DCBLD2: variants seen among roughly 807,000 people sequenced by gnomAD.
The protein encoded by DCBLD2 is discoidin, CUB and LCCL domain-containing protein 2.
A neutral mutation model predicts 86.8 loss-of-function variants in DCBLD2; 54 were observed. The observed-to-expected ratio is 0.62, with a 90% CI of 0.50 to 0.78. DCBLD2 has a LOEUF of 0.78. DCBLD2 is among the 30% of genes least tolerant of loss of function. DCBLD2 has a pLI of 0.00. For missense variants in DCBLD2, 908 were observed against 954.2 expected (o/e 0.95, Z 0.64); for synonymous variants, 354 against 341.3 (o/e 1.04, Z -0.41).
intron 3 of DCBLD2, among the ~76,000 whole-genome samples, chr3:98,825,601 G>A (rs1161521806): frequency 1.4e-5 from 2 of 140,296 alleles, no homozygotes; most frequent in East Asian, 4.4e-4. Flanking sequence ...CATCACCTCA[G>A]GAAGTCACAT....
intron 3 of DCBLD2, among the ~76,000 whole-genome samples, chr3:98,837,823 A>AC (rs1942501065): frequency 3.2e-5 from 4 of 124,178 alleles, no homozygotes; most frequent in Non-Finnish European, 3.4e-5. Context: ...CGGAGGGCTG[A>AC]CCCCCCCACC....
chr3:98,899,564 A>G (rs1943813205), intron 1 of DCBLD2, among the ~76,000 whole-genome samples: 1 of 152,132 alleles, frequency 6.6e-6, no homozygotes, highest in Admixed American at 6.5e-5. Flanking sequence ...GGCCTTTTCT[A>G]AAAACAAGGC....
chr3:98,882,277 T>C (rs180820441), intron 1 of DCBLD2, among the ~76,000 whole-genome samples: 53 of 152,320 alleles, frequency 3.5e-4, no homozygotes, highest in Admixed American at 3.3e-3. Context: ...TAAATATACA[T>C]ATACATGTTA....
chr3:98,810,657 C>A lies in DCBLD2; in HGVS notation c.1576+537G>T, dbSNP rs184968478. Among the ~76,000 whole-genome samples, 6 of 152,152 alleles carry A rather than the reference C, an allele frequency of 3.9e-5. No homozygotes were observed. In the East Asian group the frequency reaches 1.2e-3, roughly 29 times the overall value. ...TGATAACAAAACTTGAAAGTAAATTCTAATAAATTTCTATTTATGATCTTA... is the reference window on the plus strand; with the variant it reads ...TGATAACAAAACTTGAAAGTAAATTATAATAAATTTCTATTTATGATCTTA... On this transcript the variant is annotated intron_variant, in intron 12 of 15. Coordinates refer to ENST00000326840, the MANE Select transcript of DCBLD2 (RefSeq NM_080927.4).
chr3:98,849,485 A>T lies in DCBLD2; in HGVS notation c.547T>A (p.Ser183Thr). 6.2e-7 allele frequency: 1 copy of T among 1,613,980 alleles called. No individual in the cohort carries two copies. The highest frequency in any genetic ancestry group is 1.7e-4 in the Middle Eastern group (1 of 6,060). Residue 183 changes from serine (S) to threonine (T), a missense_variant, in exon 3 of 16, where the codon TCA becomes ACA. Physicochemically the swap from Ser to Thr is moderately conservative, Grantham distance 58. Around this residue, in one of 3 missense-constraint regions of DCBLD2, gnomAD observed 294 missense variants for 256.0 expected, o/e 1.15. Transcript: ENST00000326840. ...CCTTGTTTATCTATAACAGAGTATG[A>T]GGCCAAAAATCCGCGTCCAGAAACA... The part of the protein sequence containing the change: ...IHVSGRGFLA[S>T]YSVIDKQDLI...
At chr3:98,827,094 A>G (rs956910073) in intron 3 of DCBLD2, among the ~76,000 whole-genome samples, 1 of 152,166 alleles carries the variant, frequency 6.6e-6, no homozygotes, top group Non-Finnish European at 1.5e-5. Context: ...GCAAGTGTAT[A>G]AATTAATAGT....
intron 4 of DCBLD2, among the ~76,000 whole-genome samples, chr3:98,824,035 T>C (rs971621933): frequency 1.3e-5 from 2 of 152,036 alleles, no homozygotes; most frequent in African/African-American, 4.8e-5. Context: ...GATGGCCTAG[T>C]GTGTGTCCGG....
At chr3:98,847,170 G>A (rs1319738367) in intron 3 of DCBLD2, among the ~76,000 whole-genome samples, 1 of 152,104 alleles carries the variant, frequency 6.6e-6, no homozygotes, top group Non-Finnish European at 1.5e-5. Context: ...TAGAAGGGGG[G>A]AAACTAACAT....
At chr3:98,894,072 C>T (rs568916337) in intron 1 of DCBLD2, among the ~76,000 whole-genome samples, 3 of 152,176 alleles carry the variant, frequency 2.0e-5, no homozygotes, top group South Asian at 4.2e-4. Flanking sequence ...TCCAAGATCA[C>T]GGAAAGAGCA....
intron 2 of DCBLD2, among the ~76,000 whole-genome samples, chr3:98,857,776 C>G (rs2454676): frequency 0.44 from 66,268 of 151,888 alleles, 14,642 homozygotes; most frequent in African/African-American, 0.46. Flanking sequence ...CCCTGAGCCA[C>G]ACACAGGGTG....
intron 3 of DCBLD2, among the ~76,000 whole-genome samples, chr3:98,836,612 A>T (rs1576171324): frequency 7.1e-6 from 1 of 140,410 alleles, no homozygotes; most frequent in Admixed American, 7.1e-5. Flanking sequence ...TGTTGGGCAC[A>T]CCTCCCAGAC....
chr3:98,810,988 T>G (rs1941927727), intron 12 of DCBLD2, among the ~76,000 whole-genome samples: 2 of 152,110 alleles, frequency 1.3e-5, no homozygotes, highest in African/African-American at 4.8e-5. Flanking sequence ...CTCTAAATAT[T>G]TAAAGAGCAA....
intron 11 of DCBLD2, 66 bp downstream of exon 11, chr3:98,811,402 A>G: frequency 6.2e-7 from 1 of 1,612,130 alleles, no homozygotes; most frequent in South Asian, 1.1e-5. Flanking sequence ...TGCTTTTAAT[A>G]TATTTTTGGA....
chr3:98,876,370 A>G (rs2107517248), intron 2 of DCBLD2, among the ~76,000 whole-genome samples: 1 of 150,546 alleles, frequency 6.6e-6, no homozygotes, highest in Admixed American at 6.6e-5. Context: ...ATAAAAAAAA[A>G]CTTGACAGAA....
intron 3 of DCBLD2, among the ~76,000 whole-genome samples, chr3:98,836,583 T>C (rs1394288088): frequency 1.3e-5 from 2 of 149,326 alleles, no homozygotes; most frequent in African/African-American, 4.9e-5. Context: ...ATTGTCATCC[T>C]GGCCCGTTCT....
chr3:98,873,105 C>T (rs1943307307), intron 2 of DCBLD2, among the ~76,000 whole-genome samples: 1 of 151,934 alleles, frequency 6.6e-6, no homozygotes, highest in Admixed American at 6.6e-5. Context: ...AGAATTCAAA[C>T]TAAAAAGTAA....
chr3:98,884,642 G>T (rs1943528279), intron 1 of DCBLD2, among the ~76,000 whole-genome samples: 1 of 152,018 alleles, frequency 6.6e-6, no homozygotes, highest in Admixed American at 6.6e-5. Flanking sequence ...CCTTACTACT[G>T]AAAAGATGAA....
At chr3:98,900,812 A>AT in intron 1 of DCBLD2, 2 of 426,752 alleles carry the variant, frequency 4.7e-6, no homozygotes, top group South Asian at 2.2e-5. Flanking sequence ...CATTACCTCC[A>AT]AAGGTTCTTT....
At chr3:98,878,821 A>T (rs1259780409) in intron 2 of DCBLD2, among the ~76,000 whole-genome samples, 1 of 152,222 alleles carries the variant, frequency 6.6e-6, no homozygotes, top group African/African-American at 2.4e-5. Flanking sequence ...AGGAAAAAGC[A>T]ATGGAAATAA....
Sources: gnomAD v4.1 joint callset for allele counts (sites outside exome capture counted in the v4.1 genomes callset) on GRCh38, gnomAD v4.1.1 for gene constraint, gnomAD v4.1.1 regional missense constraint, MANE v1.5 for transcripts, NCBI Gene and HGNC (gene_info 2026-07-23, HGNC 2026-07-21) for gene names.